The following ADCY8 variants were observed in gnomAD, a reference collection of about 807,000 sequenced individuals.
ADCY8 encodes adenylate cyclase type 8.
A neutral mutation model predicts 119.7 loss-of-function variants in ADCY8; 51 were observed. That is an observed-to-expected ratio of 0.43 (90% confidence interval 0.34 to 0.54). The LOEUF is 0.54. ADCY8 is among the 20% of genes least tolerant of loss of function. The pLI, the probability that ADCY8 is intolerant of heterozygous loss-of-function variation, is 0.03. For synonymous variants in ADCY8, 665 were observed against 651.0 expected, an observed-to-expected ratio of 1.02 and a Z score of -0.33; for missense variants, 1,383 against 1,598.8, an observed-to-expected ratio of 0.87 and a Z score of 2.30.
At chr8:130,838,359 G>T (rs1817049807) in intron 11 of ADCY8, among the ~76,000 whole-genome samples, 1 of 152,154 alleles carries the variant, frequency 6.6e-6, no homozygotes, top group African/African-American at 2.4e-5. Context: ...GTCTCAAATG[G>T]GATGATAGGC....
At chr8:130,822,146 A>T (rs1249181136) in intron 12 of ADCY8, among the ~76,000 whole-genome samples, 2 of 152,170 alleles carry the variant, frequency 1.3e-5, no homozygotes, top group African/African-American at 4.8e-5. Context: ...TTATAATATG[A>T]TAAACTCCGT....
At chr8:130,872,436 G>A (rs1338135174) in intron 8 of ADCY8, among the ~76,000 whole-genome samples, 1 of 152,156 alleles carries the variant, frequency 6.6e-6, no homozygotes, top group African/African-American at 2.4e-5. Flanking sequence ...CTGCTTCCTT[G>A]CTATTTTCAG....
intron 8 of ADCY8, among the ~76,000 whole-genome samples, chr8:130,872,165 A>G (rs1292538987): frequency 6.6e-6 from 1 of 152,200 alleles, no homozygotes; most frequent in Non-Finnish European, 1.5e-5. Context: ...AGTTGATTCA[A>G]AAAAAGGTCA....
chr8:130,951,882 G>A lies in ADCY8; in HGVS notation c.1227C>T (p.Arg409=). ...QHQFHRIYIH[R]YENVSILFAD... Reference sequence around the variant, plus strand: ...GTGTTTCTCACCTGACGTTCTCATAGCGATGGATGTAGATCCGATGGAACT... The same window carrying A: ...GTGTTTCTCACCTGACGTTCTCATAACGATGGATGTAGATCCGATGGAACT... Residue 409 remains arginine (R), a synonymous_variant, in exon 3 of 18, where the codon CGC becomes CGT. Coordinates refer to ENST00000286355, the MANE Select transcript of ADCY8 (RefSeq NM_001115.3). 6.2e-7 allele frequency: 1 copy of A among 1,614,064 alleles called. No individual in the cohort carries two copies. Among genetic ancestry groups the A allele is most frequent in the Non-Finnish European group, 8.5e-7 (1 of 1,179,972 alleles).
intron 1 of ADCY8, among the ~76,000 whole-genome samples, chr8:130,998,583 C>T (rs75655732): frequency 0.025 from 3,760 of 152,256 alleles, 209 homozygotes; most frequent in Admixed American, 0.14. Context: ...CACTTGGAAA[C>T]ATGACCTACC....
intron 9 of ADCY8, among the ~76,000 whole-genome samples, chr8:130,852,140 A>G (rs1008966240): frequency 6.6e-6 from 1 of 152,110 alleles, no homozygotes; most frequent in African/African-American, 2.4e-5. Context: ...AGCAGGGGGG[A>G]TAAGAAATTC....
chr8:130,851,576 G>A (rs1247185454), intron 9 of ADCY8, among the ~76,000 whole-genome samples: 1 of 152,178 alleles, frequency 6.6e-6, no homozygotes, highest in East Asian at 1.9e-4. Context: ...ACTGTGGTGG[G>A]AGGTGGAGGA....
At chr8:130,936,372 C>G (rs1820786817) in intron 5 of ADCY8, among the ~76,000 whole-genome samples, 1 of 152,124 alleles carries the variant, frequency 6.6e-6, no homozygotes, top group South Asian at 2.1e-4. Context: ...TGGTGGCAGC[C>G]TTCTAGTAAT....
chr8:130,828,802 T>A (rs1563681934), intron 12 of ADCY8, among the ~76,000 whole-genome samples: 2 of 152,196 alleles, frequency 1.3e-5, no homozygotes, highest in Admixed American at 6.5e-5. Flanking sequence ...CCAGTTAGAA[T>A]GGTACTTACT....
chr8:130,869,529 T>TG (rs1818256004), intron 8 of ADCY8, among the ~76,000 whole-genome samples: 1 of 150,752 alleles, frequency 6.6e-6, no homozygotes, highest in African/African-American at 2.5e-5. Flanking sequence ...TTTTTTTGTT[T>TG]TTTTTTGAGA....
At chr8:130,881,650 A>G (rs1043566926) in intron 8 of ADCY8, among the ~76,000 whole-genome samples, 3 of 152,138 alleles carry the variant, frequency 2.0e-5, no homozygotes, top group Non-Finnish European at 2.9e-5. Flanking sequence ...TATTTAAAAA[A>G]TTCTAAGATA....
At chr8:130,855,830 T>C (rs1372286812) in intron 9 of ADCY8, among the ~76,000 whole-genome samples, 1 of 152,152 alleles carries the variant, frequency 6.6e-6, no homozygotes, top group Admixed American at 6.5e-5. Context: ...CTCCTTATTA[T>C]TTTGTGCCAG....
intron 3 of ADCY8, among the ~76,000 whole-genome samples, chr8:130,946,240 A>C (rs1821101979): frequency 6.6e-6 from 1 of 152,268 alleles, no homozygotes; most frequent in South Asian, 2.1e-4. Flanking sequence ...AGATGATAGC[A>C]TCATCCCAGC....
intron 5 of ADCY8, among the ~76,000 whole-genome samples, chr8:130,933,277 C>G (rs1212937046): frequency 6.6e-6 from 1 of 152,172 alleles, no homozygotes; most frequent in African/African-American, 2.4e-5. Flanking sequence ...TGGCTTCTAT[C>G]AAGTTTTCAA....
chr8:130,872,359 C>T (rs1452915881), intron 8 of ADCY8, among the ~76,000 whole-genome samples: 2 of 152,160 alleles, frequency 1.3e-5, no homozygotes, highest in Non-Finnish European at 2.9e-5. Context: ...AACTCAACCA[C>T]ACCTTCACAG....
chr8:130,955,038 C>G (rs945400765), intron 2 of ADCY8, among the ~76,000 whole-genome samples: 4 of 152,122 alleles, frequency 2.6e-5, no homozygotes, highest in African/African-American at 9.7e-5. Flanking sequence ...TTATTGAGAA[C>G]ATACTACATG....
chr8:130,970,819 T>C (rs1821901698), intron 2 of ADCY8, among the ~76,000 whole-genome samples: 1 of 152,120 alleles, frequency 6.6e-6, no homozygotes, highest in Non-Finnish European at 1.5e-5. Flanking sequence ...AACAGACCCG[T>C]TAGGTTATTC....
rs752239243 is a variant in ADCY8 at position 130,782,280 on chromosome 8, T to C, written c.3269-1403A>G. Among the ~76,000 whole-genome samples the C allele has an allele frequency of 3.3e-4, 50 of 152,204 alleles. 1 individual carries two copies. The highest frequency in any genetic ancestry group is 5.9e-5 in the Non-Finnish European group (4 of 68,034). On this transcript the variant is annotated intron_variant, in intron 17 of 17. Transcript: ENST00000286355. ...GGAATCACAATGATAGTTAGCTCTT[T>C]AAAATTTGCAGAGAACTTTGACAGC...
At chr8:130,997,232 TATATACATATACATATATAC>T (rs891115698) in intron 1 of ADCY8, among the ~76,000 whole-genome samples, 5 of 51,138 alleles carry the variant, frequency 9.8e-5, no homozygotes, top group African/African-American at 1.6e-4. Context: ...AAGAAATATA[TATATACATATACATATATAC>T]ATATACATAT....
Sources: gnomAD v4.1 joint callset for allele counts (sites outside exome capture counted in the v4.1 genomes callset) on GRCh38, gnomAD v4.1.1 for gene constraint, MANE v1.5 for transcripts, NCBI Gene and HGNC (gene_info 2026-07-23, HGNC 2026-07-21) for gene names.